The following LRMDA variants were observed in gnomAD, a reference collection of about 807,000 sequenced individuals.
The protein encoded by LRMDA is leucine-rich melanocyte differentiation-associated protein.
In LRMDA, 18 loss-of-function variants were observed where a neutral mutation model predicts 29.8. The ratio of observed to expected loss-of-function variants is 0.60; its 90% CI spans 0.42 to 0.90. The LOEUF (loss-of-function observed/expected upper bound fraction) is 0.90. Ranked by LOEUF, LRMDA falls within the 40% of genes least tolerant of loss-of-function variation. LRMDA has a pLI of 0.00. For missense variants in LRMDA, 273 were observed against 273.9 expected (o/e 1.00, Z 0.02); for synonymous variants, 125 against 109.4 (o/e 1.14, Z -0.89).
At chr10:75,774,871 A>G (rs1472417682) in intron 2 of LRMDA, among the ~76,000 whole-genome samples, 1 of 152,202 alleles carries the variant, frequency 6.6e-6, no homozygotes, top group African/African-American at 2.4e-5. Context: ...GCAGGGATGA[A>G]AGCTCTCCAT....
chr10:76,415,761 C>G (rs1842008272), intron 6 of LRMDA, among the ~76,000 whole-genome samples: 1 of 152,226 alleles, frequency 6.6e-6, no homozygotes, highest in African/African-American at 2.4e-5. Flanking sequence ...CTTTGTCAGC[C>G]TGGCTGTCCT....
chr10:76,251,694 G>A (rs989894538), intron 5 of LRMDA, among the ~76,000 whole-genome samples: 3 of 152,180 alleles, frequency 2.0e-5, no homozygotes, highest in Non-Finnish European at 4.4e-5. Flanking sequence ...ACCGGACAAG[G>A]GAAATGGGTC....
intron 5 of LRMDA, among the ~76,000 whole-genome samples, chr10:76,293,295 T>TA (rs1840372477): frequency 6.6e-6 from 1 of 152,226 alleles, no homozygotes; most frequent in African/African-American, 2.4e-5. Flanking sequence ...CTGTGTGCCT[T>TA]AATCATTGTA....
intron 2 of LRMDA, among the ~76,000 whole-genome samples, chr10:75,766,866 TC>T (rs1843176060): frequency 6.6e-6 from 1 of 152,158 alleles, no homozygotes; most frequent in East Asian, 1.9e-4. Context: ...CTTGTTCAAC[TC>T]CCACTTATGA....
chr10:76,154,242 A>C (rs1402899108), intron 5 of LRMDA, among the ~76,000 whole-genome samples: 2 of 152,196 alleles, frequency 1.3e-5, no homozygotes, highest in Non-Finnish European at 2.9e-5. Context: ...ATCAGAGAAC[A>C]AAGTCACAAG....
rs535391187 is a variant in LRMDA, at chr10:76,373,660, C to T, written c.601+49175C>T. Among the ~76,000 whole-genome samples the T allele has an allele frequency of 2.8e-4, 43 of 152,166 alleles. No homozygotes were observed. The East Asian group carries it at 7.4e-3, about 26-fold the overall frequency. On this transcript the variant is annotated intron_variant, in intron 6 of 6. Transcript: ENST00000611255. The stretch of plus-strand genomic sequence containing the variant: ...AAGGCCCAATTGGCCAGTTCCTAGA[C>T]AGTTTTTTTTTATGTACACAGCTCA...
At chr10:75,878,573 G>A (rs1163784002) in intron 2 of LRMDA, among the ~76,000 whole-genome samples, 3 of 151,984 alleles carry the variant, frequency 2.0e-5, no homozygotes, top group Non-Finnish European at 4.4e-5. Flanking sequence ...TGCCTGCTAG[G>A]GTCTTGGGTT....
chr10:76,220,030 C>T (rs1486198143), intron 5 of LRMDA, among the ~76,000 whole-genome samples: 2 of 152,096 alleles, frequency 1.3e-5, no homozygotes, highest in African/African-American at 4.8e-5. Flanking sequence ...GGGTACTTAA[C>T]GAAATGAAGG....
chr10:76,346,334 T>C (rs1841108197), intron 6 of LRMDA: 1 of 152,192 alleles, frequency 6.6e-6, no homozygotes, highest in African/African-American at 2.4e-5. Context: ...GTGATAACTT[T>C]GGGTGATTTA....
intron 6 of LRMDA, among the ~76,000 whole-genome samples, chr10:76,392,881 T>C (rs1334361618): frequency 6.6e-6 from 1 of 152,114 alleles, no homozygotes; most frequent in Non-Finnish European, 1.5e-5. Context: ...ACCATTCTCC[T>C]CTCTGCTTCA....
intron 2 of LRMDA, among the ~76,000 whole-genome samples, chr10:75,650,624 A>G (rs1291719220): frequency 2.0e-5 from 3 of 152,162 alleles, no homozygotes; most frequent in East Asian, 1.9e-4. Context: ...TCTCTGCCCA[A>G]CTTTTGAAAA....
intron 2 of LRMDA, among the ~76,000 whole-genome samples, chr10:75,905,275 A>C (rs1362732884): frequency 6.6e-6 from 1 of 151,238 alleles, no homozygotes; most frequent in Non-Finnish European, 1.5e-5. Flanking sequence ...ACCCTCTAAA[A>C]ACAAAATGAG....
intron 2 of LRMDA, among the ~76,000 whole-genome samples, chr10:75,822,483 A>G (rs12359443): frequency 1.8e-4 from 28 of 152,244 alleles, no homozygotes; most frequent in Non-Finnish European, 3.8e-4. Flanking sequence ...ATATGGAACC[A>G]AAAAAAGCCT....
At chr10:75,480,381 C>T (rs1412164881) in intron 2 of LRMDA, among the ~76,000 whole-genome samples, 10 of 148,176 alleles carry the variant, frequency 6.7e-5, no homozygotes, top group South Asian at 4.4e-4. Context: ...TCAGGCAGAA[C>T]GAGTGTATTC....
intron 2 of LRMDA, among the ~76,000 whole-genome samples, chr10:75,505,173 CA>C (rs1845157187): frequency 6.6e-6 from 1 of 152,144 alleles, no homozygotes; most frequent in African/African-American, 2.4e-5. Context: ...GAGTAGCTAA[CA>C]AGAGAGAAAT....
intron 5 of LRMDA, among the ~76,000 whole-genome samples, chr10:76,076,113 G>A (rs1157676063): frequency 5.3e-4 from 80 of 152,122 alleles, no homozygotes; most frequent in Middle Eastern, 3.4e-3. Context: ...GGAGGCCGAG[G>A]TGGGTGGGTC....
At chr10:76,108,332 A>T (rs931443828) in intron 5 of LRMDA, among the ~76,000 whole-genome samples, 4 of 152,092 alleles carry the variant, frequency 2.6e-5, no homozygotes, top group Non-Finnish European at 4.4e-5. Context: ...TGTAGTTGTG[A>T]ATGGAGCTGG....
intron 5 of LRMDA, among the ~76,000 whole-genome samples, chr10:76,147,021 C>T (rs569733224): frequency 2.0e-5 from 3 of 152,354 alleles, no homozygotes; most frequent in African/African-American, 7.2e-5. Flanking sequence ...TCCCCACTCT[C>T]TTCTGGCTTG....
At chr10:76,333,525 G>A (rs1210317359) in intron 6 of LRMDA, among the ~76,000 whole-genome samples, 1 of 152,180 alleles carries the variant, frequency 6.6e-6, no homozygotes, top group African/African-American at 2.4e-5. Flanking sequence ...GGCCTGGATA[G>A]ATACTGCCAG....
Sources: gnomAD v4.1 joint callset for allele counts (sites outside exome capture counted in the v4.1 genomes callset) on GRCh38, gnomAD v4.1.1 for gene constraint, MANE v1.5 for transcripts, NCBI Gene and HGNC (gene_info 2026-07-23, HGNC 2026-07-21) for gene names.